The following TMEM255B variants were observed in gnomAD, a reference collection of about 807,000 sequenced individuals.
TMEM255B encodes family with sequence similarity 70, member B.
In TMEM255B, 35 loss-of-function variants were observed where a neutral mutation model predicts 34.5. The ratio of observed to expected loss-of-function variants is 1.01; its 90% CI spans 0.77 to 1.34. TMEM255B has a LOEUF of 1.34. Among genes scored for constraint, TMEM255B ranks in the 40% most tolerant of loss-of-function variants. The probability of loss-of-function intolerance (pLI) is 0.00; values close to 1 mark genes in which losing one functional copy is unlikely to be tolerated. For missense variants in TMEM255B, 432 were observed against 433.2 expected (o/e 1.00, Z 0.02); for synonymous variants, 206 against 201.2 (o/e 1.02, Z -0.20).
chr13:113,785,150 A>G (rs1594137343), intron 3 of TMEM255B, among the ~76,000 whole-genome samples: 1 of 152,378 alleles, frequency 6.6e-6, no homozygotes. Flanking sequence ...GACATTAGTC[A>G]GTAAGTTGAT....
At chr13:113,789,264 G>A (rs1478703127) in intron 3 of TMEM255B, among the ~76,000 whole-genome samples, 1 of 151,818 alleles carries the variant, frequency 6.6e-6, no homozygotes, top group African/African-American at 2.4e-5. Context: ...TGCCCCAACA[G>A]AATGCAATGA....
chr13:113,794,450 A>C (rs2050885451), intron 3 of TMEM255B, among the ~76,000 whole-genome samples: 1 of 152,002 alleles, frequency 6.6e-6, no homozygotes, highest in Non-Finnish European at 1.5e-5. Flanking sequence ...GACGGAACCA[A>C]GCGAGATGCC....
chr13:113,785,403 G>T (rs1358302285), intron 3 of TMEM255B, among the ~76,000 whole-genome samples: 1 of 152,196 alleles, frequency 6.6e-6, no homozygotes, highest in South Asian at 2.1e-4. Context: ...GGAGGCTTGC[G>T]GGCTTCCCTC....
chr13:113,808,000 C>A (rs570007532), intron 8 of TMEM255B, among the ~76,000 whole-genome samples: 1 of 152,320 alleles, frequency 6.6e-6, no homozygotes, highest in Non-Finnish European at 1.5e-5. Flanking sequence ...ATGGCCCAGC[C>A]AGCCTTTGTG....
chr13:113,789,998 C>G (rs1378758913), intron 3 of TMEM255B, among the ~76,000 whole-genome samples: 1 of 151,830 alleles, frequency 6.6e-6, no homozygotes, highest in East Asian at 1.9e-4. Flanking sequence ...ACGTGGACAT[C>G]CTAGCACTGG....
intron 3 of TMEM255B, among the ~76,000 whole-genome samples, chr13:113,772,497 G>C (rs1594626693): frequency 2.6e-5 from 4 of 152,104 alleles, no homozygotes; most frequent in African/African-American, 9.7e-5. Context: ...GATCCACTTT[G>C]AGTTAACTTT....
intron 1 of TMEM255B, chr13:113,761,095 C>T (rs990881475): frequency 1.2e-5 from 9 of 766,088 alleles, no homozygotes; most frequent in South Asian, 6.0e-5. Flanking sequence ...GAGGAATTGA[C>T]GGCTGAGTGA....
At chr13:113,766,290 G>A (rs2050388357) in intron 2 of TMEM255B, 33 bp downstream of exon 2, 1 of 1,612,850 alleles carries the variant, frequency 6.2e-7, no homozygotes, top group African/African-American at 1.3e-5. Context: ...CTGGGCCGGG[G>A]AGGGCAGGGT....
intron 7 of TMEM255B, among the ~76,000 whole-genome samples, chr13:113,804,122 G>T (rs950477511): frequency 6.6e-6 from 1 of 152,208 alleles, no homozygotes; most frequent in African/African-American, 2.4e-5. Context: ...CAGTCCCCGC[G>T]TTTCTGGCCC....
chr13:113,761,359 C>A, intron 1 of TMEM255B: 1 of 985,246 alleles, frequency 1.0e-6, no homozygotes, highest in African/African-American at 1.7e-5. Flanking sequence ...TAGGACCTGG[C>A]GTGGGCACAG....
At chr13:113,811,700 C>T (rs767716520) in intron 8 of TMEM255B, 36 bp from the exon 9 acceptor site, 1 of 1,611,702 alleles carries the variant, frequency 6.2e-7, no homozygotes, top group East Asian at 2.2e-5. Context: ...GGGGTGGTCT[C>T]ACCTGCTAAC....
At chr13:113,789,686 C>A (rs1218275124) in intron 3 of TMEM255B, among the ~76,000 whole-genome samples, 2 of 152,232 alleles carry the variant, frequency 1.3e-5, no homozygotes, top group Non-Finnish European at 2.9e-5. Flanking sequence ...TGTCCTAGTG[C>A]TGACTGACCA....
intron 2 of TMEM255B, 111 bp downstream of exon 2, chr13:113,766,368 T>A: frequency 6.7e-7 from 1 of 1,489,362 alleles, no homozygotes; most frequent in Non-Finnish European, 9.3e-7. Flanking sequence ...TGGGGAGGCT[T>A]CGATCAGTGC....
chr13:113,801,087 C>T (rs904709685), intron 6 of TMEM255B, among the ~76,000 whole-genome samples, 175 bp downstream of exon 6: 1 of 152,120 alleles, frequency 6.6e-6, no homozygotes, highest in African/African-American at 2.4e-5. Context: ...AGGCCTCCAT[C>T]CTTCTGCTCC....
At chr13:113,785,958 G>C (rs1306579417) in intron 3 of TMEM255B, among the ~76,000 whole-genome samples, 2 of 152,216 alleles carry the variant, frequency 1.3e-5, no homozygotes, top group African/African-American at 4.8e-5. Context: ...TTCCTCCAGT[G>C]GAGTCTGAGG....
At chr13:113,807,708 G>GGCAC (rs2051207997) in intron 8 of TMEM255B, among the ~76,000 whole-genome samples, 1 of 143,436 alleles carries the variant, frequency 7.0e-6, no homozygotes. Context: ...GGATGTGGGG[G>GGCAC]TGGTCCTCCC....
At position 113,769,165 on chromosome 13, in the gene TMEM255B, G is replaced by A; in HGVS notation, c.252+5G>A. 1 of 1,614,074 alleles carries A rather than the reference G, an allele frequency of 6.2e-7. No homozygotes were observed. Among genetic ancestry groups the A allele is most frequent in the Non-Finnish European group, 8.5e-7 (1 of 1,179,938 alleles). On this transcript the variant is annotated splice_donor_5th_base_variant and intron_variant, in intron 3 of 8. Coordinates refer to ENST00000375353, the MANE Select transcript of TMEM255B (RefSeq NM_182614.4). This position sits in a 1 kb window ranked among gnomAD's most constrained non-coding sequence, Gnocchi z 4.2. ...GTGGAGAATAGAAGGCAAATGGTAAGAAAGTACATGGGGTGGTGGGGAGCA... is the reference window on the plus strand; with the variant it reads ...GTGGAGAATAGAAGGCAAATGGTAAAAAAGTACATGGGGTGGTGGGGAGCA...
intron 3 of TMEM255B, among the ~76,000 whole-genome samples, chr13:113,782,106 T>C (rs1306197537): frequency 6.6e-6 from 1 of 152,222 alleles, no homozygotes; most frequent in Non-Finnish European, 1.5e-5. Context: ...ACCAACTGTT[T>C]ACATTTTTGA....
Position 113,805,037 on chromosome 13 carries a change from A to G in TMEM255B, c.813+9A>G. 6.3e-7 allele frequency: 1 copy of G among 1,590,500 alleles called. No individual in the cohort carries two copies. The highest frequency in any genetic ancestry group is 8.5e-7 in the Non-Finnish European group (1 of 1,169,998). On this transcript the variant is annotated intron_variant, in intron 8 of 8. Transcript: ENST00000375353. Reference sequence around the variant, plus strand: ...ACCCTCTGCCCCTTCAGGTAGGGCCAGCATCACCTGCTGGAGTTGGACGCG... The same window carrying G: ...ACCCTCTGCCCCTTCAGGTAGGGCCGGCATCACCTGCTGGAGTTGGACGCG...
Sources: allele counts gnomAD v4.1 joint callset (sites outside exome capture counted in the v4.1 genomes callset), GRCh38; gene constraint gnomAD v4.1.1; non-coding constraint Gnocchi (gnomAD v3.1); transcripts MANE v1.5; gene names NCBI Gene and HGNC (gene_info 2026-07-23, HGNC 2026-07-21).